Variants in SIPA1L3 observed in about 807,000 individuals in gnomAD.
SIPA1L3 encodes signal-induced proliferation-associated 1-like protein 3.
In SIPA1L3, 59 loss-of-function variants were observed where a neutral mutation model predicts 150.1. That is an observed-to-expected ratio of 0.39 (90% CI 0.32 to 0.49). SIPA1L3 has a LOEUF of 0.49. SIPA1L3 is among the 20% of genes least tolerant of loss of function. The pLI is 0.86. For missense variants in SIPA1L3, 2,211 were observed against 2,489.5 expected, an observed-to-expected ratio of 0.89 and a Z score of 2.38; for synonymous variants, 1,070 against 1,077.6, an observed-to-expected ratio of 0.99 and a Z score of 0.14.
chr19:38,088,986 G>A (rs572568440), intron 4 of SIPA1L3, 135 bp downstream of exon 4: 1 of 907,804 alleles, frequency 1.1e-6, no homozygotes, highest in African/African-American at 1.7e-5. Flanking sequence ...AATCCTGTTA[G>A]TCTCTCCATC....
At chr19:38,171,524 C>T (rs1383798057) in intron 15 of SIPA1L3, among the ~76,000 whole-genome samples, 1 of 151,204 alleles carries the variant, frequency 6.6e-6, no homozygotes, top group Non-Finnish European at 1.5e-5. Context: ...TCCCGAGTAG[C>T]TGGGATTACA....
intron 6 of SIPA1L3, among the ~76,000 whole-genome samples, chr19:38,103,901 C>CAAAAAA (rs66888884): frequency 5.2e-5 from 5 of 96,280 alleles, no homozygotes; most frequent in African/African-American, 1.2e-4. Context: ...GACTCCATAT[C>CAAAAAA]AAAAAAAAAA....
intron 1 of SIPA1L3, among the ~76,000 whole-genome samples, chr19:37,986,094 G>T (rs1020720640): frequency 5.3e-5 from 8 of 152,208 alleles, no homozygotes; most frequent in African/African-American, 1.7e-4. Context: ...TGGGGCTGTG[G>T]GGGAATTAAC....
intron 19 of SIPA1L3, among the ~76,000 whole-genome samples, chr19:38,201,101 C>T (rs1299605436): frequency 2.0e-5 from 3 of 152,188 alleles, no homozygotes; most frequent in African/African-American, 4.8e-5. Flanking sequence ...CTGATGGTGC[C>T]GCCCTCAACA....
chr19:38,050,287 C>G (rs1470267495), intron 2 of SIPA1L3, among the ~76,000 whole-genome samples: 1 of 152,072 alleles, frequency 6.6e-6, no homozygotes, highest in Non-Finnish European at 1.5e-5. Flanking sequence ...GAAACCCCGT[C>G]TCCACTAAAA....
chr19:38,147,014 T>C (rs1014225114), intron 12 of SIPA1L3, among the ~76,000 whole-genome samples: 54 of 152,274 alleles, frequency 3.5e-4, no homozygotes, highest in African/African-American at 1.2e-3. Context: ...TTGTCTTTTT[T>C]ACAGGGTCTT....
At chr19:37,970,088 G>A (rs1340553837) in intron 1 of SIPA1L3, among the ~76,000 whole-genome samples, 1 of 152,194 alleles carries the variant, frequency 6.6e-6, no homozygotes, top group Non-Finnish European at 1.5e-5. Flanking sequence ...GGTTGAAATA[G>A]AATTGTTACT....
intron 13 of SIPA1L3, among the ~76,000 whole-genome samples, chr19:38,161,402 T>C (rs543727111): frequency 6.8e-4 from 101 of 148,550 alleles, no homozygotes; most frequent in African/African-American, 2.2e-3. Context: ...ACCTTGCATA[T>C]GTAAAGAACT....
intron 2 of SIPA1L3, among the ~76,000 whole-genome samples, chr19:38,070,231 A>T (rs904710982): frequency 5.7e-5 from 6 of 105,180 alleles, no homozygotes; most frequent in Non-Finnish European, 1.1e-4. Flanking sequence ...TATTTTTGAG[A>T]CAGGGTCTTG....
intron 7 of SIPA1L3, among the ~76,000 whole-genome samples, chr19:38,107,313 C>G (rs1239177561): frequency 6.6e-6 from 1 of 152,190 alleles, no homozygotes; most frequent in Admixed American, 6.5e-5. Flanking sequence ...TGGCCAAGCC[C>G]GAGGCTCATG....
At position 38,162,288 on chromosome 19, in the gene SIPA1L3, T is replaced by C. The variant is rs1322461839; in HGVS notation, c.3697T>C (p.Ser1233Pro). 1.2e-6 allele frequency: 2 copies of C among 1,614,192 alleles called. No homozygotes were observed. Among genetic ancestry groups the C allele is most frequent in the Admixed American group, 1.7e-5 (1 of 60,022 alleles). Residue 1233 changes from serine (S) to proline (P), a missense_variant, in exon 14 of 22, where the codon TCA becomes CCA. By Grantham distance (74) the Ser-to-Pro change is moderately conservative. Coordinates refer to ENST00000222345, the MANE Select transcript of SIPA1L3 (RefSeq NM_015073.3). ...LWHVPAQARL[S>P]AIAGSSGNKH... Reference sequence around the variant, plus strand: ...GCATGTGCCTGCCCAGGCCAGGCTCTCAGCCATAGCCGGAAGCAGCGGGAA... The same window carrying C: ...GCATGTGCCTGCCCAGGCCAGGCTCCCAGCCATAGCCGGAAGCAGCGGGAA...
chr19:38,005,559 A>G (rs1455764221), intron 1 of SIPA1L3, among the ~76,000 whole-genome samples: 1 of 151,978 alleles, frequency 6.6e-6, no homozygotes, highest in Non-Finnish European at 1.5e-5. Flanking sequence ...GTTGCTCCGA[A>G]GCCCACCCCG....
chr19:38,087,394 T>C (rs1188952962), intron 3 of SIPA1L3, among the ~76,000 whole-genome samples: 2 of 152,200 alleles, frequency 1.3e-5, no homozygotes, highest in Admixed American at 1.3e-4. Context: ...GGTCATTAAT[T>C]ACCACACAGT....
chr19:38,162,180 C>G (rs1972103473), intron 13 of SIPA1L3, 73 bp from the exon 14 acceptor site: 1 of 1,193,724 alleles, frequency 8.4e-7, no homozygotes, highest in African/African-American at 1.5e-5. Context: ...GACAGTCTGG[C>G]AAAGGGTCCA....
intron 1 of SIPA1L3, among the ~76,000 whole-genome samples, chr19:38,017,462 T>C (rs10419753): frequency 0.032 from 4,789 of 151,638 alleles, 218 homozygotes; most frequent in African/African-American, 0.11. Context: ...TCACCAGAGT[T>C]CTCCTTTCCT....
chr19:38,079,967 G>A (rs1969939546), intron 2 of SIPA1L3, among the ~76,000 whole-genome samples: 1 of 152,218 alleles, frequency 6.6e-6, no homozygotes, highest in Non-Finnish European at 1.5e-5. Flanking sequence ...CAGAAAAGAA[G>A]GCCAGTATGA....
chr19:37,942,903 T>C (rs1001087707), intron 1 of SIPA1L3, among the ~76,000 whole-genome samples: 8 of 152,044 alleles, frequency 5.3e-5, no homozygotes, highest in Non-Finnish European at 8.8e-5. Flanking sequence ...TTTGTATTTT[T>C]AGTAGAGACA....
chr19:38,026,528 C>T (rs1488989645), intron 1 of SIPA1L3, among the ~76,000 whole-genome samples: 1 of 152,106 alleles, frequency 6.6e-6, no homozygotes, highest in Non-Finnish European at 1.5e-5. Context: ...AGATGAGGTT[C>T]AAGGGGCTGA....
Position 38,110,388 on chromosome 19 carries a change from T to G in SIPA1L3, c.2291+4T>G, listed in dbSNP as rs368988982. 25 of 1,611,166 alleles carry G rather than the reference T, an allele frequency of 1.6e-5. No individual in the cohort carries two copies. In the African/African-American group the frequency reaches 2.5e-4, roughly 16 times the overall value. On this transcript the variant is annotated splice_donor_region_variant and intron_variant, in intron 8 of 21. Transcript: ENST00000222345. Reference sequence around the variant, plus strand: ...GCACTGATAACGTCTGTTACAGGTATGCCCCCCACACCCGGCCCCCAGCAG... The same window carrying G: ...GCACTGATAACGTCTGTTACAGGTAGGCCCCCCACACCCGGCCCCCAGCAG...
Sources: allele counts gnomAD v4.1 joint callset (sites outside exome capture counted in the v4.1 genomes callset), GRCh38; gene constraint gnomAD v4.1.1; transcripts MANE v1.5; gene names NCBI Gene and HGNC (gene_info 2026-07-23, HGNC 2026-07-21).